Variants in SAP130 observed in about 807,000 individuals in gnomAD.
SAP130 encodes histone deacetylase complex subunit SAP130.
A neutral mutation model predicts 103.2 loss-of-function variants in SAP130; 16 were observed. That is an observed-to-expected ratio of 0.16 (90% CI 0.10 to 0.24). The LOEUF (loss-of-function observed/expected upper bound fraction) is 0.24. SAP130 is among the 10% of genes least tolerant of loss of function. The pLI is 1.00. For synonymous variants in SAP130, 477 were observed against 497.0 expected (o/e 0.96, Z 0.53); for missense variants, 990 against 1,359.7 (o/e 0.73, Z 4.28).
At position 127,966,888 on chromosome 2, in the gene SAP130, C is replaced by A. The variant is rs372923685; in HGVS notation, c.2063+11097G>T. On this transcript the variant is annotated intron_variant, in intron 15 of 20. Transcript: ENST00000643581. ...TTTAAAACTGGTTACCATGGGATTACAATCAACATTCTAAATTCATATCAA... is the reference window on the plus strand; with the variant it reads ...TTTAAAACTGGTTACCATGGGATTAAAATCAACATTCTAAATTCATATCAA... Among the ~76,000 whole-genome samples, 15 of 152,182 alleles carry A rather than the reference C, an allele frequency of 9.9e-5. No individual in the cohort carries two copies. In the East Asian group the frequency reaches 2.5e-3, roughly 25 times the overall value.
At position 127,955,740 on chromosome 2, in the gene SAP130, G is replaced by A. The variant is rs1275082811; in HGVS notation, c.2064-396C>T. 5.9e-5 allele frequency among the ~76,000 whole-genome samples: 9 copies of A among 151,972 alleles called. No individual in the cohort carries two copies. Among genetic ancestry groups the A allele is most frequent in the African/African-American group, 2.2e-4 (9 of 41,370 alleles). On this transcript the variant is annotated intron_variant, in intron 15 of 20. Transcript: ENST00000643581. The surrounding 1 kb of genome is among the most constrained non-coding windows in gnomAD (Gnocchi z 4.9). ...TGAACTCAAGTGATCCGCCTGCCTC[G>A]GCCTCCCAAAGTGATGGGATTACAG...
At chr2:128,027,082 G>A (rs1335718394) in intron 1 of SAP130, 2 of 1,441,474 alleles carry the variant, frequency 1.4e-6, no homozygotes, top group Non-Finnish European at 1.8e-6. Context: ...CGAGCACTGT[G>A]CCTCTTTACC....
chr2:127,983,961 A>C (rs1247892896), intron 14 of SAP130, among the ~76,000 whole-genome samples: 2 of 151,426 alleles, frequency 1.3e-5, no homozygotes, highest in Non-Finnish European at 2.9e-5. Context: ...AGATTACAAT[A>C]TTATAACAAA....
At chr2:128,001,776 G>A (rs1484285812) in intron 7 of SAP130, among the ~76,000 whole-genome samples, 1 of 151,986 alleles carries the variant, frequency 6.6e-6, no homozygotes, top group Admixed American at 6.6e-5. Flanking sequence ...TGTCAAGACT[G>A]CCTAACTATT....
At chr2:127,964,604 C>A (rs1457165400) in intron 15 of SAP130, among the ~76,000 whole-genome samples, 1 of 151,102 alleles carries the variant, frequency 6.6e-6, no homozygotes, top group Non-Finnish European at 1.5e-5. Flanking sequence ...AAGTTCATGG[C>A]CTTAAATACT....
intron 16 of SAP130, among the ~76,000 whole-genome samples, chr2:127,951,025 C>T (rs1679461231): frequency 6.6e-6 from 1 of 152,212 alleles, no homozygotes; most frequent in South Asian, 2.1e-4. Flanking sequence ...AAATGCCTAG[C>T]AGGTAACCTA....
chr2:127,962,520 C>A (rs1680328586), intron 15 of SAP130, among the ~76,000 whole-genome samples: 1 of 152,156 alleles, frequency 6.6e-6, no homozygotes, highest in Non-Finnish European at 1.5e-5. Flanking sequence ...AAATGTGGCA[C>A]ATATACACCA....
chr2:128,026,146 T>A, intron 2 of SAP130, 35 bp downstream of exon 2: 2 of 1,379,036 alleles, frequency 1.5e-6, no homozygotes, highest in Non-Finnish European at 1.0e-6. Flanking sequence ...ATTCTTAAAG[T>A]AGGAAAAAAT....
chr2:127,965,842 TTATC>T (rs1244185841), intron 15 of SAP130, among the ~76,000 whole-genome samples: 2 of 151,452 alleles, frequency 1.3e-5, no homozygotes, highest in East Asian at 3.9e-4. Context: ...GAATTTAATA[TTATC>T]TATTTCCCCT....
intron 16 of SAP130, among the ~76,000 whole-genome samples, chr2:127,954,341 G>A (rs550540727): frequency 6.6e-6 from 1 of 152,184 alleles, no homozygotes; most frequent in South Asian, 2.1e-4. Flanking sequence ...GGGTACCAGA[G>A]CACAAATAAC....
At chr2:128,023,648 T>C (rs1362203048) in intron 2 of SAP130, among the ~76,000 whole-genome samples, 1 of 151,954 alleles carries the variant, frequency 6.6e-6, no homozygotes, top group African/African-American at 2.4e-5. Flanking sequence ...GGCACGGTGG[T>C]GGGCGCCTGT....
At chr2:127,947,978 C>T (rs1282089398) in intron 18 of SAP130, among the ~76,000 whole-genome samples, 2 of 59,110 alleles carry the variant, frequency 3.4e-5, no homozygotes, top group African/African-American at 6.6e-5. Flanking sequence ...TCAGTAGGGA[C>T]GAGGTTTCAC....
intron 12 of SAP130, among the ~76,000 whole-genome samples, chr2:127,990,723 T>C (rs1682729686): frequency 6.6e-6 from 1 of 152,126 alleles, no homozygotes; most frequent in African/African-American, 2.4e-5. Context: ...TGAGGAATGC[T>C]TGAACCCAGG....
chr2:128,027,431 A>C, intron 1 of SAP130: 1 of 1,114,466 alleles, frequency 9.0e-7, no homozygotes, highest in African/African-American at 1.7e-5. Flanking sequence ...CCAGCCAATC[A>C]GGCGCGAGCC....
chr2:128,007,682 C>T (rs1302460589), intron 7 of SAP130, among the ~76,000 whole-genome samples: 1 of 152,186 alleles, frequency 6.6e-6, no homozygotes, highest in Non-Finnish European at 1.5e-5. Flanking sequence ...TGAAAACCTG[C>T]TTAATGTCAC....
chr2:128,016,891 C>T (rs999588003), intron 3 of SAP130, among the ~76,000 whole-genome samples: 2 of 152,214 alleles, frequency 1.3e-5, no homozygotes, highest in African/African-American at 4.8e-5. Flanking sequence ...ACAAAACTCC[C>T]AGTAACTGAA....
At chr2:128,015,172 C>G (rs1684682956) in intron 4 of SAP130, among the ~76,000 whole-genome samples, 1 of 152,198 alleles carries the variant, frequency 6.6e-6, no homozygotes, top group South Asian at 2.1e-4. Context: ...ACTTCGATAT[C>G]TACGTTTAGA....
At chr2:128,018,968 C>A (rs1451182724) in intron 2 of SAP130, among the ~76,000 whole-genome samples, 1 of 151,680 alleles carries the variant, frequency 6.6e-6, no homozygotes, top group African/African-American at 2.4e-5. Flanking sequence ...CGTGGTGGTA[C>A]ACACCTATAA....
rs1041706993 is a variant in SAP130, at chr2:127,996,952, A to C, written c.1214-461T>G. Among the ~76,000 whole-genome samples, 7 of 152,170 alleles carry C rather than the reference A, an allele frequency of 4.6e-5. No homozygotes were observed. The highest frequency in any genetic ancestry group is 1.0e-4 in the Non-Finnish European group (7 of 68,036). ...AATAAACACACAATTTTGGATTAAA[A>C]AACGGAAAAAACAAACAAACAAAAA... On this transcript the variant is annotated intron_variant, in intron 10 of 20. Transcript: ENST00000643581. This position sits in a 1 kb window ranked among gnomAD's most constrained non-coding sequence, Gnocchi z 4.3.
Sources: gnomAD v4.1 joint callset for allele counts (sites outside exome capture counted in the v4.1 genomes callset) on GRCh38, gnomAD v4.1.1 for gene constraint, Gnocchi (gnomAD v3.1) non-coding constraint, MANE v1.5 for transcripts, NCBI Gene and HGNC (gene_info 2026-07-23, HGNC 2026-07-21) for gene names.